Variants in TTC22 observed in about 807,000 individuals in gnomAD.
TTC22 encodes the protein tetratricopeptide repeat domain 22.
TTC22 carries 42 observed loss-of-function variants against 48.2 expected under a neutral mutation model. The ratio of observed to expected loss-of-function variants is 0.87; its 90% CI spans 0.68 to 1.13. TTC22 has a LOEUF of 1.13. Ranked by LOEUF, TTC22 falls within the 50% of genes most tolerant of loss-of-function variation. The pLI, the probability that TTC22 is intolerant of heterozygous loss-of-function variation, is 0.00. For synonymous variants in TTC22, 345 were observed against 365.5 expected (o/e 0.94, Z 0.64); for missense variants, 784 against 807.0 (o/e 0.97, Z 0.34).
rs1342199607 is a variant in TTC22 at position 54,781,451 on chromosome 1, A to C, written c.1502T>G (p.Leu501Arg). ...GGGGTACTTGTCCTGGGCGCGGCGC[A>C]GCCAGGCGTCCACCTCGCGGCCCAG... ...GELGREVDAWLRRAQDKYPAA... is the reference protein window; with the variant it reads ...GELGREVDAWRRRAQDKYPAA... Residue 501 changes from leucine to arginine, a missense_variant, in exon 7 of 7, where the codon CTG becomes CGG. Transcript: ENST00000371276. 6.9e-6 allele frequency: 10 copies of C among 1,450,184 alleles called. No individual in the cohort carries two copies. The highest frequency in any genetic ancestry group is 9.0e-6 in the Non-Finnish European group (10 of 1,111,662). 89.8% of individuals were successfully genotyped at this position (1,450,184 alleles called of 1,614,324 possible).
intron 1 of TTC22, among the ~76,000 whole-genome samples, chr1:54,796,830 TTCAGCTCTACG>T (rs1282705806): frequency 5.3e-5 from 8 of 152,194 alleles, no homozygotes; most frequent in African/African-American, 1.9e-4. Flanking sequence ...CTCTTGGGTG[TTCAGCTCTACG>T]TCAGACATTG....
chr1:54,799,165 C>G (rs1175630773), intron 1 of TTC22, among the ~76,000 whole-genome samples: 1 of 152,140 alleles, frequency 6.6e-6, no homozygotes, highest in Non-Finnish European at 1.5e-5. Context: ...GGGCCATGCC[C>G]CAGGACACAG....
At chr1:54,796,778 G>A (rs122283) in intron 1 of TTC22, among the ~76,000 whole-genome samples, 28,229 of 152,106 alleles carry the variant, frequency 0.19, 3,106 homozygotes, top group Middle Eastern at 0.32. Flanking sequence ...TTTAAAGACA[G>A]AATCCAGTTA....
chr1:54,794,503 T>A (rs1337312985), intron 1 of TTC22, among the ~76,000 whole-genome samples: 1 of 152,226 alleles, frequency 6.6e-6, no homozygotes, highest in African/African-American at 2.4e-5. Context: ...GACACCTTGC[T>A]TGTTCTTAAG....
intron 6 of TTC22, among the ~76,000 whole-genome samples, chr1:54,782,064 T>C (rs1646267301): frequency 6.6e-6 from 1 of 152,210 alleles, no homozygotes; most frequent in Admixed American, 6.5e-5. Context: ...TTGGTAAACA[T>C]TCCCTGAACA....
At position 54,790,727 on chromosome 1, in the gene TTC22, G is replaced by T. The variant is rs1169034346; in HGVS notation, c.568-2630C>A. Reference sequence around the variant, plus strand: ...ATGTGTCAAAGCCTGACCATGTAAAGGATCAGGGGCACATGGGGTGCCTCA... The same window carrying T: ...ATGTGTCAAAGCCTGACCATGTAAATGATCAGGGGCACATGGGGTGCCTCA... On this transcript the variant is annotated intron_variant, in intron 1 of 6. Coordinates refer to ENST00000371276, the MANE Select transcript of TTC22 (RefSeq NM_001114108.2). Among the ~76,000 whole-genome samples, 3 of 152,244 alleles carry T rather than the reference G, an allele frequency of 2.0e-5. No individual in the cohort carries two copies. The East Asian group carries it at 5.8e-4, about 29-fold the overall frequency.
intron 1 of TTC22, among the ~76,000 whole-genome samples, chr1:54,795,910 G>A (rs1646386578): frequency 6.6e-6 from 1 of 152,184 alleles, no homozygotes; most frequent in Admixed American, 6.5e-5. Flanking sequence ...CTCTCCTCCT[G>A]GGCTTTGATG....
intron 1 of TTC22, 88 bp downstream of exon 1, chr1:54,800,509 G>A: frequency 8.5e-7 from 1 of 1,171,856 alleles, no homozygotes; most frequent in Non-Finnish European, 1.1e-6. Flanking sequence ...GAGAGAGTCA[G>A]GGGTACCGGG....
At chr1:54,799,809 G>A (rs1646419328) in intron 1 of TTC22, among the ~76,000 whole-genome samples, 1 of 152,216 alleles carries the variant, frequency 6.6e-6, no homozygotes, top group Admixed American at 6.5e-5. Flanking sequence ...GCTCTTTCTA[G>A]GTGCTTTACA....
rs1557772006 is a variant in TTC22 at position 54,786,113 on chromosome 1, A to G, written c.890T>C (p.Ile297Thr). Residue 297 changes from isoleucine to threonine, a missense_variant, in exon 5 of 7, where the codon ATC becomes ACC. By Grantham distance (89) the Ile-to-Thr change is moderately conservative. Transcript: ENST00000371276. ...AIEIAKNQPP[I>T]LNRLAKIFYF... ...GAAGATTTTTGCCAGGCGATTCAGGATGGGAGGTTGGTTCTTGGCAATCTC... is the reference window on the plus strand; with the variant it reads ...GAAGATTTTTGCCAGGCGATTCAGGGTGGGAGGTTGGTTCTTGGCAATCTC... 1 of 1,614,070 alleles carries G rather than the reference A, an allele frequency of 6.2e-7. No homozygotes were observed. The highest frequency in any genetic ancestry group is 1.1e-5 in the South Asian group (1 of 91,084).
chr1:54,790,067 A>T (rs376942017), intron 1 of TTC22, among the ~76,000 whole-genome samples: 12 of 152,142 alleles, frequency 7.9e-5, no homozygotes, highest in African/African-American at 2.9e-4. Flanking sequence ...GGTAGTGGGG[A>T]GTTATAGAAG....
At position 54,801,289 on chromosome 1, in the gene TTC22, T is replaced by TG. The variant is rs1646436882; in HGVS notation, c.-127dup. Reference sequence around the variant, plus strand: ...GGCAGCCGGCAGAGGCCCCGGGCGCTGCGGCCTCTCGGTCTCAGGGCGCCT... The same window carrying TG: ...GGCAGCCGGCAGAGGCCCCGGGCGCTGGCGGCCTCTCGGTCTCAGGGCGCCT... On this transcript the variant is annotated 5_prime_UTR_variant, in exon 1 of 7. Coordinates refer to ENST00000371276, the MANE Select transcript of TTC22 (RefSeq NM_001114108.2). 2.0e-6 allele frequency: 2 copies of TG among 1,010,646 alleles called. No homozygotes were observed. Among genetic ancestry groups the TG allele is most frequent in the East Asian group, 5.4e-5 (2 of 36,738 alleles). 62.6% of individuals were successfully genotyped at this position (1,010,646 alleles called of 1,614,324 possible).
chr1:54,799,210 C>A (rs1265484569), intron 1 of TTC22, among the ~76,000 whole-genome samples: 2 of 152,162 alleles, frequency 1.3e-5, no homozygotes, highest in South Asian at 2.1e-4. Context: ...ATGAAGCAAT[C>A]GGCTCCCTCC....
intron 5 of TTC22, 31 bp from the exon 6 acceptor site, chr1:54,782,508 G>A (rs1646271080): frequency 6.6e-7 from 1 of 1,521,058 alleles, no homozygotes; most frequent in Non-Finnish European, 8.9e-7. Flanking sequence ...TAGGAAAGAT[G>A]ATCCAGGCAA....
rs199909022 is a variant in TTC22 at position 54,782,386 on chromosome 1, G to T, written c.1112C>A (p.Ala371Asp). ...PDRNHLACAK[A>D]DLEEVVRVCP... Reference sequence around the variant, plus strand: ...CACCCTGACCACTTCCTCAAGGTCAGCCTTGGCACAGGCCAGGTGGTTCCT... The same window carrying T: ...CACCCTGACCACTTCCTCAAGGTCATCCTTGGCACAGGCCAGGTGGTTCCT... The change falls in exon 6 of 7, where the codon GCT becomes GAT. Residue 371 changes from alanine (A) to aspartate (D), a missense_variant. Ala to Asp is a moderately radical substitution (Grantham distance 126). Coordinates refer to ENST00000371276, the MANE Select transcript of TTC22 (RefSeq NM_001114108.2). 5.9e-5 allele frequency: 92 copies of T among 1,551,432 alleles called. No individual in the cohort carries two copies. In the African/African-American group the frequency reaches 1.1e-3, roughly 19 times the overall value.
chr1:54,790,761 G>GGCTGCTGCTGCT (rs3065099), intron 1 of TTC22, among the ~76,000 whole-genome samples: 5 of 151,500 alleles, frequency 3.3e-5, no homozygotes, highest in Admixed American at 6.6e-5. Flanking sequence ...CAGGCTTCCT[G>GGCTGCTGCTGCT]GCTGCTGCTG....
intron 4 of TTC22, 113 bp downstream of exon 4, chr1:54,786,844 G>A: frequency 2.0e-6 from 1 of 495,086 alleles, no homozygotes; most frequent in Non-Finnish European, 3.6e-6. Flanking sequence ...GTACTTCCTG[G>A]GTGGGCCACG....
intron 1 of TTC22, among the ~76,000 whole-genome samples, chr1:54,792,584 CCACCA>C (rs1226617244): frequency 6.6e-6 from 1 of 152,190 alleles, no homozygotes; most frequent in Non-Finnish European, 1.5e-5. Flanking sequence ...CAGGCATGTG[CCACCA>C]CACGCAGCTA....
Position 54,781,790 on chromosome 1 carries a change from G to C in TTC22, c.1174-11C>G. ...CATATAGTAGTAGACCTGGGGTCGG[G>C]GACGCGGGGTGAGCCCTTCACCGCA... On this transcript the variant is annotated splice_polypyrimidine_tract_variant and intron_variant, in intron 6 of 6. Coordinates refer to ENST00000371276, the MANE Select transcript of TTC22 (RefSeq NM_001114108.2). The C allele has an allele frequency of 1.9e-5, 27 of 1,408,634 alleles. No homozygotes were observed. The highest frequency in any genetic ancestry group is 2.4e-5 in the Non-Finnish European group (26 of 1,084,780). 87.3% of individuals were successfully genotyped at this position (1,408,634 alleles called of 1,614,324 possible). A position where few individuals can be genotyped will look rare whatever the true frequency, so the allele number is the denominator to read the frequency against.
Sources: gnomAD v4.1 joint callset for allele counts (sites outside exome capture counted in the v4.1 genomes callset) on GRCh38, gnomAD v4.1.1 for gene constraint, MANE v1.5 for transcripts, NCBI Gene and HGNC (gene_info 2026-07-23, HGNC 2026-07-21) for gene names.